LGSN: variants seen among roughly 807,000 people sequenced by gnomAD.
The protein encoded by LGSN is lengsin.
Under a neutral mutation model 19.5 loss-of-function variants are expected in LGSN, and 21 were observed. The observed-to-expected ratio is 1.07, with a 90% CI of 0.76 to 1.55. The LOEUF (loss-of-function observed/expected upper bound fraction) is 1.55, where lower values mean the gene tolerates loss of function less well. Among genes scored for constraint, LGSN ranks in the 40% most tolerant of loss-of-function variants. LGSN has a pLI of 0.00. For missense variants in LGSN, 673 were observed against 608.5 expected (o/e 1.11, Z -1.12); for synonymous variants, 257 against 215.6 (o/e 1.19, Z -1.68).
chr6:63,341,551 T>C, the LGSN span, among the ~76,000 whole-genome samples: 2 of 152,116 alleles, frequency 1.3e-5, no homozygotes, highest in Non-Finnish European at 2.9e-5. Context: ...TTATGGCTCC[T>C]TTTGTCCTGG....
At chr6:63,496,899 G>C in the LGSN span, among the ~76,000 whole-genome samples, 1 of 152,078 alleles carries the variant, frequency 6.6e-6, no homozygotes, top group Non-Finnish European at 1.5e-5. Flanking sequence ...GCCCTTGCCT[G>C]TATAGGATCC....
the LGSN span, among the ~76,000 whole-genome samples, chr6:63,335,234 G>A: frequency 3.0e-3 from 448 of 151,120 alleles, 3 homozygotes; most frequent in African/African-American, 0.01. Context: ...CAAAGAATGA[G>A]ACTAGACCCC....
At chr6:63,333,923 A>G in the LGSN span, among the ~76,000 whole-genome samples, 370 of 152,342 alleles carry the variant, frequency 2.4e-3, no homozygotes, top group Admixed American at 4.8e-3. Flanking sequence ...AAAATTCAAC[A>G]TGGCTTCATT....
chr6:63,505,265 C>T, the LGSN span, among the ~76,000 whole-genome samples: 1 of 151,418 alleles, frequency 6.6e-6, no homozygotes, highest in Non-Finnish European at 1.5e-5. Context: ...TGCTTTTCCT[C>T]ATCTCTTTAG....
the LGSN span, among the ~76,000 whole-genome samples, chr6:63,550,124 A>C: frequency 6.6e-6 from 1 of 152,214 alleles, no homozygotes; most frequent in Non-Finnish European, 1.5e-5. Context: ...AAATTTTAAA[A>C]GAAAAACTTT....
At chr6:63,367,695 T>A in the LGSN span, among the ~76,000 whole-genome samples, 723 of 144,290 alleles carry the variant, frequency 5.0e-3, 35 homozygotes, top group Middle Eastern at 0.024. Flanking sequence ...CCAGCCCAAA[T>A]GTCCAACAAT....
At chr6:63,430,643 C>T in the LGSN span, among the ~76,000 whole-genome samples, 1 of 152,104 alleles carries the variant, frequency 6.6e-6, no homozygotes, top group African/African-American at 2.4e-5. Flanking sequence ...TTGCCACGGC[C>T]TCTGAAAGTG....
intron 2 of LGSN, among the ~76,000 whole-genome samples, chr6:63,293,233 G>A (rs1767843573): frequency 6.6e-6 from 1 of 152,138 alleles, no homozygotes; most frequent in Non-Finnish European, 1.5e-5. Context: ...CAGGCCTCAA[G>A]TGATCTCCCC....
the LGSN span, among the ~76,000 whole-genome samples, chr6:63,528,504 C>T: frequency 9.9e-3 from 1,508 of 151,900 alleles, 50 homozygotes; most frequent in East Asian, 0.02. Flanking sequence ...GTGGACAGAT[C>T]GCCTGAGCCC....
the LGSN span, chr6:63,395,746 G>A: frequency 6.5e-6 from 1 of 153,704 alleles, no homozygotes; most frequent in African/African-American, 2.4e-5. Flanking sequence ...AGGATCAAGA[G>A]GCTGGACTAT....
chr6:63,567,764 G>A, the LGSN span, among the ~76,000 whole-genome samples: 1 of 152,212 alleles, frequency 6.6e-6, no homozygotes, highest in Non-Finnish European at 1.5e-5. Flanking sequence ...TCTTCTTCCA[G>A]TATAAGACTG....
the LGSN span, among the ~76,000 whole-genome samples, chr6:63,418,510 G>A: frequency 9.9e-5 from 15 of 152,160 alleles, no homozygotes; most frequent in Non-Finnish European, 1.6e-4. Flanking sequence ...GCAGTGAGCC[G>A]AGATTCCGCC....
chr6:63,325,235 A>G, the LGSN span, among the ~76,000 whole-genome samples: 1 of 152,170 alleles, frequency 6.6e-6, no homozygotes, highest in Non-Finnish European at 1.5e-5. Flanking sequence ...GTGCAAGGAA[A>G]GAAATAATAA....
At chr6:63,444,441 CA>C in the LGSN span, among the ~76,000 whole-genome samples, 2 of 152,148 alleles carry the variant, frequency 1.3e-5, no homozygotes, top group African/African-American at 4.8e-5. Flanking sequence ...GACTGTTACA[CA>C]AGTGGTTGTA....
At chr6:63,351,185 G>A in the LGSN span, among the ~76,000 whole-genome samples, 1 of 152,092 alleles carries the variant, frequency 6.6e-6, no homozygotes, top group Admixed American at 6.6e-5. Context: ...CTGTCTGTGA[G>A]GAAGCAGACC....
At chr6:63,291,339 A>G (rs1767759544) in intron 2 of LGSN, among the ~76,000 whole-genome samples, 1 of 152,128 alleles carries the variant, frequency 6.6e-6, no homozygotes, top group South Asian at 2.1e-4. Context: ...CCAGGAAGAA[A>G]CAGGTCACAT....
At chr6:63,558,039 T>C in the LGSN span, among the ~76,000 whole-genome samples, 1 of 151,892 alleles carries the variant, frequency 6.6e-6, no homozygotes, top group Admixed American at 6.6e-5. Flanking sequence ...GCCTGGGTAA[T>C]TTTTGTATTT....
At chr6:63,331,320 A>G in the LGSN span, among the ~76,000 whole-genome samples, 927 of 152,268 alleles carry the variant, frequency 6.1e-3, 7 homozygotes, top group African/African-American at 0.02. Flanking sequence ...TACAGAAAAG[A>G]TCAAGCTGCA....
the LGSN span, among the ~76,000 whole-genome samples, chr6:63,333,067 T>C: frequency 3.3e-5 from 5 of 151,840 alleles, no homozygotes; most frequent in African/African-American, 1.2e-4. Flanking sequence ...GAGTGAGCAG[T>C]AGCAAGATTT....
Sources: gnomAD v4.1 joint callset for allele counts (sites outside exome capture counted in the v4.1 genomes callset) on GRCh38, gnomAD v4.1.1 for gene constraint, MANE v1.5 for transcripts, NCBI Gene and HGNC (gene_info 2026-07-23, HGNC 2026-07-21) for gene names.